EPC2: variants seen among roughly 807,000 people sequenced by gnomAD.
EPC2 encodes the protein enhancer of polycomb homolog 2.
Under a neutral mutation model 92.1 loss-of-function variants are expected in EPC2, and 14 were observed. The observed-to-expected ratio is 0.15, with a 90% CI of 0.10 to 0.24. The LOEUF (loss-of-function observed/expected upper bound fraction) is 0.24, where lower values mean the gene tolerates loss of function less well. EPC2 is among the 10% of genes least tolerant of loss of function. The pLI, the probability that EPC2 is intolerant of heterozygous loss-of-function variation, is 1.00. For missense variants in EPC2, 755 were observed against 971.5 expected, an observed-to-expected ratio of 0.78 and a Z score of 2.96; for synonymous variants, 340 against 334.7, an observed-to-expected ratio of 1.02 and a Z score of -0.17.
chr2:148,655,073 G>C (rs980294867), intron 1 of EPC2, among the ~76,000 whole-genome samples: 7 of 152,172 alleles, frequency 4.6e-5, no homozygotes, highest in African/African-American at 1.7e-4. Flanking sequence ...GGGTAGTCAT[G>C]CCATTTATTT....
chr2:148,757,206 C>G lies in EPC2; in HGVS notation c.666+3073C>G, dbSNP rs186846286. ...CCTGGCCAACATGGTGAAATGCCATCTCCACTAAAAATACAAAAAATTAGC... is the reference window on the plus strand; with the variant it reads ...CCTGGCCAACATGGTGAAATGCCATGTCCACTAAAAATACAAAAAATTAGC... On this transcript the variant is annotated intron_variant, in intron 4 of 13. Transcript: ENST00000258484. Among the ~76,000 whole-genome samples, 207 of 151,790 alleles carry G rather than the reference C, an allele frequency of 1.4e-3. 4 individuals carry two copies. Among genetic ancestry groups the G allele is most frequent in the Admixed American group, 0.013 (197 of 15,240 alleles).
chr2:148,676,881 G>T (rs927378395), intron 1 of EPC2, among the ~76,000 whole-genome samples: 2 of 150,528 alleles, frequency 1.3e-5, no homozygotes. Flanking sequence ...TTGGGGGGGG[G>T]GTTGAATTCC....
chr2:148,653,719 A>G (rs1323862313), intron 1 of EPC2, among the ~76,000 whole-genome samples: 1 of 150,858 alleles, frequency 6.6e-6, no homozygotes, highest in Non-Finnish European at 1.5e-5. Context: ...TTTTTTTTAA[A>G]TGGGCTAAGG....
chr2:148,691,564 G>A, intron 2 of EPC2: 1 of 1,550,542 alleles, frequency 6.4e-7, no homozygotes, highest in Non-Finnish European at 8.7e-7. Context: ...TTAAATTGCT[G>A]TTGTTCAGGA....
In EPC2 at chr2:148,697,327, A is replaced by G. The variant is rs538304814; in HGVS notation, c.313+6954A>G. On this transcript the variant is annotated intron_variant, in intron 2 of 13. Transcript: ENST00000258484. The stretch of plus-strand genomic sequence containing the variant: ...GTAATGGATTCTTTTTTTTTTTTCA[A>G]TGGATAAATTGCAGGGTAGAGGCAG... Among the ~76,000 whole-genome samples, 44 of 151,268 alleles carry G rather than the reference A, an allele frequency of 2.9e-4. No individual in the cohort carries two copies. The East Asian group carries it at 4.6e-3, about 16-fold the overall frequency.
At chr2:148,754,722 C>T (rs1051006674) in intron 4 of EPC2, among the ~76,000 whole-genome samples, 3 of 152,094 alleles carry the variant, frequency 2.0e-5, no homozygotes, top group African/African-American at 7.2e-5. Context: ...GAATCTTTCT[C>T]CTTTTCTGAG....
intron 2 of EPC2, among the ~76,000 whole-genome samples, chr2:148,712,232 T>A (rs964708241): frequency 6.6e-6 from 1 of 151,674 alleles, no homozygotes; most frequent in Non-Finnish European, 1.5e-5. Context: ...TCATACTGTT[T>A]GTGTGTGTGG....
chr2:148,683,907 A>G (rs934371557), intron 1 of EPC2, among the ~76,000 whole-genome samples: 3 of 152,182 alleles, frequency 2.0e-5, no homozygotes, highest in African/African-American at 4.8e-5. Flanking sequence ...ACTGGATCAA[A>G]TCTACTTTTA....
intron 2 of EPC2, among the ~76,000 whole-genome samples, chr2:148,724,802 T>C (rs996418391): frequency 6.6e-6 from 1 of 152,100 alleles, no homozygotes; most frequent in African/African-American, 2.4e-5. Flanking sequence ...AGATGTCATA[T>C]TGGGAGTTTA....
chr2:148,739,717 C>T (rs566177915), intron 2 of EPC2, among the ~76,000 whole-genome samples: 1 of 152,152 alleles, frequency 6.6e-6, no homozygotes, highest in East Asian at 1.9e-4. Context: ...ATGGCTACTG[C>T]AAGGAACTTC....
In EPC2 at chr2:148,708,531, GAC is replaced by G. The variant is rs199722642; in HGVS notation, c.313+18162_313+18163del. 8.2e-3 allele frequency among the ~76,000 whole-genome samples: 1,245 copies of G among 152,240 alleles called. 15 individuals carry two copies. The highest frequency in any genetic ancestry group is 0.027 in the African/African-American group (1,106 of 41,542). On this transcript the variant is annotated intron_variant, in intron 2 of 13. Transcript: ENST00000258484. Reference sequence around the variant, plus strand: ...CATCCTGATACCAAAGCCTGGCAGAGACACAACAAAAAAGGAGAATTTTAGAC... The same window carrying G: ...CATCCTGATACCAAAGCCTGGCAGAGACAACAAAAAAGGAGAATTTTAGAC...
intron 1 of EPC2, among the ~76,000 whole-genome samples, chr2:148,676,049 AAAC>A (rs1446745061): frequency 6.6e-6 from 1 of 152,168 alleles, no homozygotes; most frequent in Non-Finnish European, 1.5e-5. Context: ...CCCAAAAGAA[AAAC>A]AACAACAACA....
chr2:148,711,047 T>C (rs1325928293), intron 2 of EPC2, among the ~76,000 whole-genome samples: 2 of 152,166 alleles, frequency 1.3e-5, no homozygotes, highest in Non-Finnish European at 2.9e-5. Flanking sequence ...ATAATCAGCT[T>C]TTGGTGTTAT....
At chr2:148,750,001 A>T (rs1410232618) in intron 3 of EPC2, among the ~76,000 whole-genome samples, 1 of 152,138 alleles carries the variant, frequency 6.6e-6, no homozygotes, top group Non-Finnish European at 1.5e-5. Flanking sequence ...AGCATCAGTG[A>T]TCTATCAATA....
chr2:148,655,452 TTAAG>T (rs1281283832), intron 1 of EPC2, among the ~76,000 whole-genome samples: 5 of 152,206 alleles, frequency 3.3e-5, no homozygotes, highest in African/African-American at 9.7e-5. Flanking sequence ...TATTAGCACA[TTAAG>T]TACAGAATCT....
intron 1 of EPC2, among the ~76,000 whole-genome samples, chr2:148,658,607 G>GTATATATATATATATATATATATATATA (rs3076616): frequency 7.1e-6 from 1 of 141,262 alleles, no homozygotes; most frequent in African/African-American, 2.6e-5. Flanking sequence ...GTGTGTGTGT[G>GTATATATATATATATATATATATATATA]TATATATATA....
In EPC2 at chr2:148,753,445, G is replaced by A. The variant is rs146220345; in HGVS notation, c.460-482G>A. ...TGTTTTTATAATCAATTCCGAAAGA[G>A]GTATATTATAGTAAATTGCAATATA... On this transcript the variant is annotated intron_variant, in intron 3 of 13. Transcript: ENST00000258484. Among the ~76,000 whole-genome samples the A allele has an allele frequency of 7.7e-3, 1,179 of 152,200 alleles. 8 individuals are homozygous for A. Among genetic ancestry groups the A allele is most frequent in the Non-Finnish European group, 0.011 (740 of 68,000 alleles).
At chr2:148,703,809 G>A (rs752648473) in intron 2 of EPC2, among the ~76,000 whole-genome samples, 43 of 152,242 alleles carry the variant, frequency 2.8e-4, no homozygotes, top group Middle Eastern at 6.8e-3. Flanking sequence ...GGGATTACAG[G>A]TATGAGCCAC....
chr2:148,738,125 A>AC (rs1682804348), intron 2 of EPC2, among the ~76,000 whole-genome samples: 3 of 152,044 alleles, frequency 2.0e-5, no homozygotes, highest in African/African-American at 7.2e-5. Flanking sequence ...GCCATTTGAA[A>AC]CAACAACAAC....
Sources: allele counts gnomAD v4.1 joint callset (sites outside exome capture counted in the v4.1 genomes callset), GRCh38; gene constraint gnomAD v4.1.1; transcripts MANE v1.5; gene names NCBI Gene and HGNC (gene_info 2026-07-23, HGNC 2026-07-21).